Variants in DPYD observed in about 807,000 individuals in gnomAD.
The protein encoded by DPYD is dihydropyrimidine dehydrogenase.
Under a neutral mutation model 116.2 loss-of-function variants are expected in DPYD, and 109 were observed. The observed-to-expected ratio is 0.94, with a 90% CI of 0.80 to 1.10. The LOEUF is 1.10. Ranked by LOEUF, DPYD falls within the 50% of genes least tolerant of loss-of-function variation. The pLI, the probability that DPYD is intolerant of heterozygous loss-of-function variation, is 0.00. For missense variants in DPYD, 1,302 were observed against 1,254.5 expected, an observed-to-expected ratio of 1.04 and a Z score of -0.57; for synonymous variants, 440 against 432.0, an observed-to-expected ratio of 1.02 and a Z score of -0.23.
intron 15 of DPYD, 43 bp from the exon 16 acceptor site, chr1:97,373,687 T>C (rs1303004505): frequency 1.6e-5 from 25 of 1,545,440 alleles, no homozygotes; most frequent in Non-Finnish European, 2.0e-5. Flanking sequence ...CAAAGCTTTA[T>C]TTATATACCA....
intron 20 of DPYD, among the ~76,000 whole-genome samples, chr1:97,116,515 T>C (rs2101634415): frequency 6.6e-6 from 1 of 151,588 alleles, no homozygotes; most frequent in South Asian, 2.1e-4. Flanking sequence ...CTACAAAAAA[T>C]ACAAAACTTA....
chr1:97,725,404 A>C (rs568109461), intron 4 of DPYD, among the ~76,000 whole-genome samples: 1 of 151,688 alleles, frequency 6.6e-6, no homozygotes, highest in South Asian at 2.1e-4. Context: ...ATTTCAATAC[A>C]ATCTCTACTA....
chr1:97,803,657 A>C (rs1466813200), intron 3 of DPYD, among the ~76,000 whole-genome samples: 3 of 151,888 alleles, frequency 2.0e-5, no homozygotes, highest in Non-Finnish European at 4.4e-5. Flanking sequence ...ATATTTCATT[A>C]TTAAAAGACT....
intron 1 of DPYD, among the ~76,000 whole-genome samples, chr1:97,904,245 T>C (rs899173292): frequency 1.3e-5 from 2 of 151,986 alleles, no homozygotes; most frequent in African/African-American, 2.4e-5. Context: ...TCAAACACAT[T>C]TAAAGATGTC....
intron 8 of DPYD, among the ~76,000 whole-genome samples, chr1:97,673,222 G>T (rs1020475618): frequency 1.3e-5 from 2 of 151,560 alleles, no homozygotes; most frequent in Non-Finnish European, 2.9e-5. Flanking sequence ...TAAGAATATC[G>T]ACATCAAGGA....
chr1:97,884,213 A>G (rs901787122), intron 1 of DPYD, among the ~76,000 whole-genome samples: 1 of 152,066 alleles, frequency 6.6e-6, no homozygotes, highest in Non-Finnish European at 1.5e-5. Context: ...ATTCTTGACC[A>G]GAAGAAAAAC....
intron 20 of DPYD, among the ~76,000 whole-genome samples, chr1:97,168,526 T>C (rs928214963): frequency 6.6e-6 from 1 of 152,178 alleles, no homozygotes; most frequent in Admixed American, 6.5e-5. Context: ...TTGTTATCCA[T>C]TGCCTGGAAA....
At chr1:97,440,695 C>G (rs751318624) in intron 14 of DPYD, among the ~76,000 whole-genome samples, 1 of 152,082 alleles carries the variant, frequency 6.6e-6, no homozygotes, top group Non-Finnish European at 1.5e-5. Flanking sequence ...ATGCTATAAC[C>G]CCCATATTAT....
At chr1:97,388,107 A>G (rs1672461721) in intron 14 of DPYD, among the ~76,000 whole-genome samples, 1 of 152,136 alleles carries the variant, frequency 6.6e-6, no homozygotes, top group African/African-American at 2.4e-5. Flanking sequence ...TAGTTGGTGA[A>G]TGCTTAGATT....
At chr1:97,635,394 G>T (rs1657502508) in intron 8 of DPYD, among the ~76,000 whole-genome samples, 1 of 152,068 alleles carries the variant, frequency 6.6e-6, no homozygotes, top group African/African-American at 2.4e-5. Context: ...GGTGGCCAGG[G>T]TGCAGTTCTT....
intron 18 of DPYD, among the ~76,000 whole-genome samples, chr1:97,286,105 G>A (rs1234401415): frequency 6.6e-6 from 1 of 152,030 alleles, no homozygotes; most frequent in Non-Finnish European, 1.5e-5. Flanking sequence ...AGCTCTTTAG[G>A]GCAGGCCTGG....
chr1:97,156,016 T>A (rs531399677), intron 20 of DPYD, among the ~76,000 whole-genome samples: 29 of 152,296 alleles, frequency 1.9e-4, no homozygotes, highest in African/African-American at 7.0e-4. Context: ...ATGATGCTGA[T>A]GTTGCTGGTT....
intron 2 of DPYD, among the ~76,000 whole-genome samples, chr1:97,877,483 G>A (rs1472938004): frequency 1.3e-5 from 2 of 152,002 alleles, no homozygotes; most frequent in Non-Finnish European, 2.9e-5. Flanking sequence ...CACGTGACTT[G>A]CATGCCTGAG....
intron 2 of DPYD, among the ~76,000 whole-genome samples, chr1:97,832,045 T>TTGTGTGTGTG (rs35795641): frequency 0.079 from 10,510 of 133,848 alleles, 539 homozygotes; most frequent in South Asian, 0.11. Context: ...ATATAATGTA[T>TTGTGTGTGTG]TGTGTGTGTG....
chr1:97,609,104 T>C (rs934472103), intron 8 of DPYD, among the ~76,000 whole-genome samples: 3 of 152,000 alleles, frequency 2.0e-5, no homozygotes, highest in Non-Finnish European at 4.4e-5. Flanking sequence ...GCAGTCTGCT[T>C]TGATACTTTC....
At chr1:97,714,445 G>A (rs1188482948) in intron 5 of DPYD, among the ~76,000 whole-genome samples, 15 of 151,788 alleles carry the variant, frequency 9.9e-5, no homozygotes, top group Admixed American at 9.9e-4. Flanking sequence ...ATTTGACCTT[G>A]TGATCCGCCT....
chr1:97,126,094 G>C (rs946616658), intron 20 of DPYD, among the ~76,000 whole-genome samples: 3 of 152,018 alleles, frequency 2.0e-5, no homozygotes, highest in African/African-American at 4.8e-5. Flanking sequence ...TGTCTGACTT[G>C]TCAGAAATTC....
Position 97,753,263 on chromosome 1 carries a change from T to C in DPYD, c.234-12784A>G, listed in dbSNP as rs77419465. 3.7e-3 allele frequency among the ~76,000 whole-genome samples: 571 copies of C among 152,298 alleles called. 3 individuals are homozygous for C. The highest frequency in any genetic ancestry group is 0.013 in the African/African-American group (544 of 41,552). On this transcript the variant is annotated intron_variant, in intron 3 of 22. Coordinates refer to ENST00000370192, the MANE Select transcript of DPYD (RefSeq NM_000110.4). Reference sequence around the variant, plus strand: ...AAGGCACAAAATTTGCTCCTCTGATTTAGGTTTGAAATATGTTACTGCCTA... The same window carrying C: ...AAGGCACAAAATTTGCTCCTCTGATCTAGGTTTGAAATATGTTACTGCCTA...
chr1:97,589,028 C>T (rs1307576659), intron 10 of DPYD, among the ~76,000 whole-genome samples: 1 of 152,128 alleles, frequency 6.6e-6, no homozygotes, highest in East Asian at 1.9e-4. Flanking sequence ...CAGACCCACC[C>T]CAGACTTACT....
Sources: allele counts gnomAD v4.1 joint callset (sites outside exome capture counted in the v4.1 genomes callset), GRCh38; gene constraint gnomAD v4.1.1; transcripts MANE v1.5; gene names NCBI Gene and HGNC (gene_info 2026-07-23, HGNC 2026-07-21).